The following NCAM1 variants were observed in gnomAD, a reference collection of about 807,000 sequenced individuals.
NCAM1 encodes the protein neural cell adhesion molecule 1.
NCAM1 carries 14 observed loss-of-function variants against 109.8 expected under a neutral mutation model. That is an observed-to-expected ratio of 0.13 (90% CI 0.08 to 0.20). The LOEUF is 0.20. Ranked by LOEUF, NCAM1 falls within the 10% of genes least tolerant of loss-of-function variation. The pLI is 1.00. For synonymous variants in NCAM1, 418 were observed against 442.9 expected, an observed-to-expected ratio of 0.94 and a Z score of 0.70; for missense variants, 774 against 1,109.9, an observed-to-expected ratio of 0.70 and a Z score of 4.30.
rs1443074232 is a variant in NCAM1 at position 113,278,185 on chromosome 11, C to T, written c.*2798C>T. The T allele has an allele frequency of 6.6e-6, 1 of 152,230 alleles. No individual in the cohort carries two copies. The highest frequency in any genetic ancestry group is 1.5e-5 in the Non-Finnish European group (1 of 68,062). 9.4% of individuals were successfully genotyped at this position (152,230 alleles called of 1,614,324 possible). Reference sequence around the variant, plus strand: ...CTATTTTCACACTTTTCTATGGAGCCTTCCGAGTCCCAGGTTTTCACTTGA... The same window carrying T: ...CTATTTTCACACTTTTCTATGGAGCTTTCCGAGTCCCAGGTTTTCACTTGA... On this transcript the variant is annotated 3_prime_UTR_variant, in exon 20 of 20. Transcript: ENST00000316851.
intron 1 of NCAM1, among the ~76,000 whole-genome samples, chr11:113,017,635 T>TTG (rs71698389): frequency 0.095 from 13,846 of 145,258 alleles, 658 homozygotes; most frequent in Admixed American, 0.12. Flanking sequence ...CAGTACTGTT[T>TTG]TGTGTGTGTG....
chr11:113,079,628 T>G (rs1252890481), intron 1 of NCAM1, among the ~76,000 whole-genome samples: 1 of 152,172 alleles, frequency 6.6e-6, no homozygotes, highest in Non-Finnish European at 1.5e-5. Context: ...TGATATACAT[T>G]TTTTGGAATG....
intron 1 of NCAM1, among the ~76,000 whole-genome samples, chr11:113,021,946 ATGT>A (rs1742121771): frequency 6.6e-6 from 1 of 152,236 alleles, no homozygotes; most frequent in South Asian, 2.1e-4. Context: ...AAGCTTGGTA[ATGT>A]TTTGAGCAGA....
rs561856662 is a variant in NCAM1 at position 113,195,495 on chromosome 11, ATTTTT to A, written c.53-6863_53-6859del. ...CACACACAAACACACCCCTTAGTAG[ATTTTT>A]TTTTTTTTTTTTTTTTTTTTGAGAC... On this transcript the variant is annotated intron_variant, in intron 1 of 19. Transcript: ENST00000316851. Among the ~76,000 whole-genome samples, 11 of 85,596 alleles carry A rather than the reference ATTTTT, an allele frequency of 1.3e-4. No homozygotes were observed. In the South Asian group the frequency reaches 1.4e-3, roughly 11 times the overall value. 56.2% of individuals were successfully genotyped at this position (85,596 alleles called of 152,430 possible).
chr11:113,231,627 C>T lies in NCAM1; in HGVS notation c.1090-18C>T, dbSNP rs782096632. 24 of 1,135,450 alleles carry T rather than the reference C, an allele frequency of 2.1e-5. No individual in the cohort carries two copies. Among genetic ancestry groups the T allele is most frequent in the South Asian group, 1.7e-4 (14 of 81,312 alleles). The allele number at this position is 1,135,450 out of a possible 1,614,324, so 70.3% of individuals were successfully genotyped here. ...GCCTTGGGCTCTGACATGCTCCCTT[C>T]CCCCCCACCCCCGGCAGACTCTGGA... On this transcript the variant is annotated intron_variant, in intron 9 of 19. Coordinates refer to ENST00000316851, the MANE Select transcript of NCAM1 (RefSeq NM_181351.5).
At chr11:113,006,886 G>C (rs1951906328) in intron 1 of NCAM1, among the ~76,000 whole-genome samples, 1 of 152,100 alleles carries the variant, frequency 6.6e-6, no homozygotes, top group Non-Finnish European at 1.5e-5. Flanking sequence ...TCCACTTTAA[G>C]ACCATAGCTG....
chr11:113,205,912 G>A (rs782221044), intron 4 of NCAM1, 131 bp from the exon 5 acceptor site: 18 of 1,200,092 alleles, frequency 1.5e-5, no homozygotes, highest in Admixed American at 4.6e-5. Context: ...AGCCAGGGAC[G>A]CATTTTCTTA....
At position 113,000,857 on chromosome 11, in the gene NCAM1, AT is replaced by A. The variant is rs370541068; in HGVS notation, c.52+39194del. On this transcript the variant is annotated intron_variant, in intron 1 of 19. Transcript: ENST00000316851. ...ATATATATATATATATACACAAAAA[AT>A]ATATATATATATACACATACACGTA... Among the ~76,000 whole-genome samples the A allele has an allele frequency of 8.9e-3, 288 of 32,278 alleles. 2 individuals are homozygous for A. The highest frequency in any genetic ancestry group is 0.021 in the African/African-American group (164 of 7,988). 21.2% of individuals were successfully genotyped at this position (32,278 alleles called of 152,430 possible).
At chr11:113,070,199 C>T (rs921042687) in intron 1 of NCAM1, among the ~76,000 whole-genome samples, 1 of 151,918 alleles carries the variant, frequency 6.6e-6, no homozygotes, top group Non-Finnish European at 1.5e-5. Flanking sequence ...TGCTGAATGA[C>T]GTGATTATGC....
At chr11:113,086,201 A>G (rs1204309642) in intron 1 of NCAM1, among the ~76,000 whole-genome samples, 2 of 152,178 alleles carry the variant, frequency 1.3e-5, no homozygotes, top group African/African-American at 4.8e-5. Context: ...GGAGGCACTT[A>G]CTTTCTGTGA....
intron 3 of NCAM1, 90 bp downstream of exon 3, chr11:113,204,594 G>C: frequency 3.8e-6 from 5 of 1,308,408 alleles, no homozygotes; most frequent in Non-Finnish European, 5.3e-6. Flanking sequence ...ATGACAGAAG[G>C]ACCAGCTGAG....
At position 112,961,587 on chromosome 11, in the gene NCAM1, A is replaced by G. The variant is rs1033096683; in HGVS notation, c.-26A>G. The G allele has an allele frequency of 4.3e-5, 62 of 1,433,442 alleles. No individual in the cohort carries two copies. The highest frequency in any genetic ancestry group is 5.8e-5 in the Non-Finnish European group (59 of 1,017,326). 88.8% of individuals were successfully genotyped at this position (1,433,442 alleles called of 1,614,324 possible). A position where few individuals can be genotyped will look rare whatever the true frequency, so the allele number is the denominator to read the frequency against. ...GGGCACAGAATTTACCGCGGCAAGA[A>G]CATCCCTCCCAGCCAGCAGATTACA... On this transcript the variant is annotated 5_prime_UTR_variant, in exon 1 of 20. Transcript: ENST00000316851.
intron 1 of NCAM1, among the ~76,000 whole-genome samples, chr11:113,051,099 T>C (rs1384738321): frequency 1.3e-5 from 2 of 152,194 alleles, no homozygotes; most frequent in African/African-American, 4.8e-5. Flanking sequence ...GTGCTAAATT[T>C]CTACTAGGTC....
At position 113,270,212 on chromosome 11, in the gene NCAM1, T is replaced by C. The variant is rs781951067; in HGVS notation, c.2156T>C (p.Leu719Pro). ...IPANGSPTSG[L>P]STGAIVGILI... Reference sequence around the variant, plus strand: ...GCCAACGGCAGCCCCACCTCAGGCCTGAGCACCGGGGCCATCGTGGGCATC... The same window carrying C: ...GCCAACGGCAGCCCCACCTCAGGCCCGAGCACCGGGGCCATCGTGGGCATC... Residue 719 changes from leucine to proline, a missense_variant, in exon 18 of 20, where the codon CTG becomes CCG. Transcript: ENST00000316851. 1 of 1,614,022 alleles carries C rather than the reference T, an allele frequency of 6.2e-7. No homozygotes were observed. The highest frequency in any genetic ancestry group is 8.5e-7 in the Non-Finnish European group (1 of 1,179,894).
At chr11:113,200,680 C>A (rs1222996248) in intron 1 of NCAM1, among the ~76,000 whole-genome samples, 1 of 152,118 alleles carries the variant, frequency 6.6e-6, no homozygotes, top group Non-Finnish European at 1.5e-5. Context: ...TGGGCTCTCA[C>A]AGTGTAGAAT....
At chr11:113,153,560 C>T (rs1040887010) in intron 1 of NCAM1, among the ~76,000 whole-genome samples, 1 of 151,912 alleles carries the variant, frequency 6.6e-6, no homozygotes, top group Admixed American at 6.6e-5. Context: ...GATGGTGACA[C>T]TTTTAAGAAT....
At chr11:113,156,946 T>A (rs1555103527) in intron 1 of NCAM1, among the ~76,000 whole-genome samples, 1 of 152,160 alleles carries the variant, frequency 6.6e-6, no homozygotes, top group African/African-American at 2.4e-5. Context: ...TCGTTAGACC[T>A]GTAGGTGATG....
At position 112,963,010 on chromosome 11, in the gene NCAM1, A is replaced by G. The variant is rs1950613204; in HGVS notation, c.52+1346A>G. ...GCACGGGGCGGGCCAGGGAGCACCC[A>G]GTGCGCCCCCTCCGCGGGCGGCACA... is the stretch of plus-strand genomic sequence containing the variant. On this transcript the variant is annotated intron_variant, in intron 1 of 19. Transcript: ENST00000316851. This position sits in a 1 kb window ranked among gnomAD's most constrained non-coding sequence, Gnocchi z 4.6. 6.6e-6 allele frequency among the ~76,000 whole-genome samples: 1 copy of G among 152,040 alleles called. No individual in the cohort carries two copies. Among genetic ancestry groups the G allele is most frequent in the Admixed American group, 6.5e-5 (1 of 15,276 alleles).
chr11:113,078,986 G>A lies in NCAM1; in HGVS notation c.52+117322G>A, dbSNP rs1295702623. Among the ~76,000 whole-genome samples the A allele has an allele frequency of 5.3e-5, 8 of 152,260 alleles. No individual in the cohort carries two copies. In the East Asian group the frequency reaches 1.2e-3, roughly 22 times the overall value. ...TCCGAGCCGGGCTGGCTACTGGGCC[G>A]AGGGTCAGCAGGAGTGTCAAGGAAG... On this transcript the variant is annotated intron_variant, in intron 1 of 19. Coordinates refer to ENST00000316851, the MANE Select transcript of NCAM1 (RefSeq NM_181351.5).
Sources: allele counts gnomAD v4.1 joint callset (sites outside exome capture counted in the v4.1 genomes callset), GRCh38; gene constraint gnomAD v4.1.1; non-coding constraint Gnocchi (gnomAD v3.1); transcripts MANE v1.5; gene names NCBI Gene and HGNC (gene_info 2026-07-23, HGNC 2026-07-21).